Variants in AMBN observed in about 807,000 individuals in gnomAD.
AMBN encodes the protein enamel matrix protein.
In AMBN, 54 loss-of-function variants were observed where a neutral mutation model predicts 48.0. The observed-to-expected ratio is 1.12, with a 90% CI of 0.90 to 1.41. The LOEUF is 1.41. AMBN is among the 40% of genes most tolerant of loss of function. The pLI is 0.00. For synonymous variants in AMBN, 186 were observed against 190.0 expected (o/e 0.98, Z 0.17); for missense variants, 571 against 547.3 (o/e 1.04, Z -0.43).
At chr4:70,599,282 A>G in intron 4 of AMBN, among the ~76,000 whole-genome samples, 1 of 152,030 alleles carries the variant, frequency 6.6e-6, no homozygotes, top group East Asian at 1.9e-4. Flanking sequence ...CTCTACTAAA[A>G]ATACAGAAAT....
intron 12 of AMBN, among the ~76,000 whole-genome samples, chr4:70,605,006 A>G (rs1245616221): frequency 7.6e-6 from 1 of 132,188 alleles, no homozygotes; most frequent in Non-Finnish European, 1.7e-5. Flanking sequence ...AAAAAAAAAA[A>G]AAGTCTTGTT....
rs1047749148 is a variant in AMBN at position 70,606,967 on chromosome 4, T to A, written c.*237T>A. 10 of 506,240 alleles carry A rather than the reference T, an allele frequency of 2.0e-5. No homozygotes were observed. The highest frequency in any genetic ancestry group is 3.5e-5 in the Non-Finnish European group (10 of 288,684). The allele number at this position is 506,240 out of a possible 1,614,324, so 31.4% of individuals were successfully genotyped here. A position where few individuals can be genotyped will look rare whatever the true frequency, so the allele number is the denominator to read the frequency against. ...TGATTTAGAAACACTATTAATAACATCAGAGCAAGGTTCTAAGGGTCTCAG... is the reference window on the plus strand; with the variant it reads ...TGATTTAGAAACACTATTAATAACAACAGAGCAAGGTTCTAAGGGTCTCAG... On this transcript the variant is annotated 3_prime_UTR_variant, in exon 13 of 13. Coordinates refer to ENST00000322937, the MANE Select transcript of AMBN (RefSeq NM_016519.6).
At position 70,601,410 on chromosome 4, in the gene AMBN, C is replaced by T. The variant is rs371026801; in HGVS notation, c.295-8C>T. Reference sequence around the variant, plus strand: ...CCTTCCTAACACTCTTTTCAAATTTCTCTGCAGTATGAATATTCTTTGCCT... The same window carrying T: ...CCTTCCTAACACTCTTTTCAAATTTTTCTGCAGTATGAATATTCTTTGCCT... On this transcript the variant is annotated splice_region_variant and splice_polypyrimidine_tract_variant and intron_variant, in intron 5 of 12. Coordinates refer to ENST00000322937, the MANE Select transcript of AMBN (RefSeq NM_016519.6). The T allele has an allele frequency of 1.2e-6, 2 of 1,612,794 alleles. No homozygotes were observed. Among genetic ancestry groups the T allele is most frequent in the Non-Finnish European group, 1.7e-6 (2 of 1,178,910 alleles).
intron 12 of AMBN, among the ~76,000 whole-genome samples, chr4:70,605,739 C>T (rs1248684145): frequency 2.0e-5 from 3 of 151,766 alleles, no homozygotes; most frequent in African/African-American, 4.8e-5. Context: ...CAGCCTGGGC[C>T]GTATAATGAG....
chr4:70,598,856 C>T (rs986771504), intron 4 of AMBN, among the ~76,000 whole-genome samples: 7 of 151,702 alleles, frequency 4.6e-5, no homozygotes, highest in African/African-American at 1.7e-4. Context: ...CTCACTGCAA[C>T]CTCCATCTCC....
intron 1 of AMBN, 63 bp downstream of exon 1, chr4:70,592,436 C>A: frequency 3.2e-6 from 5 of 1,561,820 alleles, no homozygotes; most frequent in Non-Finnish European, 4.4e-6. Flanking sequence ...TATCTCCTGA[C>A]AGCTTTTATA....
chr4:70,604,635 G>T (rs1737600821), intron 12 of AMBN, among the ~76,000 whole-genome samples: 2 of 152,206 alleles, frequency 1.3e-5, no homozygotes, highest in South Asian at 4.1e-4. Context: ...TTACATCTCA[G>T]TATTTTTGTG....
At chr4:70,599,269 C>T (rs1050537971) in intron 4 of AMBN, among the ~76,000 whole-genome samples, 4 of 151,788 alleles carry the variant, frequency 2.6e-5, no homozygotes, top group East Asian at 1.9e-4. Context: ...GGTGAAACCC[C>T]GTCTCTACTA....
At chr4:70,596,963 C>T (rs1737396417) in intron 2 of AMBN, 36 bp from the exon 3 acceptor site, 1 of 1,595,594 alleles carries the variant, frequency 6.3e-7, no homozygotes, top group African/African-American at 1.3e-5. Context: ...AAGTTTTGTA[C>T]CAATAAGACT....
Position 70,602,617 on chromosome 4 carries a change from G to GACA in AMBN, c.532-6_532-5insCAA. On this transcript the variant is annotated splice_polypyrimidine_tract_variant and splice_region_variant and intron_variant, in intron 6 of 12. Transcript: ENST00000322937. The stretch of plus-strand genomic sequence containing the variant: ...ACTGATAATTTTAATATTTATCTGT[G>GACA]ATATAGCTCCCAGGAGTAGATTTTG... 6.5e-7 allele frequency: 1 copy of GACA among 1,548,330 alleles called. No homozygotes were observed. Among genetic ancestry groups the GACA allele is most frequent in the Non-Finnish European group, 8.7e-7 (1 of 1,148,026 alleles).
intron 2 of AMBN, 51 bp downstream of exon 2, chr4:70,593,446 T>A: frequency 1.4e-6 from 2 of 1,450,822 alleles, no homozygotes; most frequent in South Asian, 1.1e-5. Context: ...ATTGTCGAAC[T>A]CCAAACAACA....
chr4:70,606,696 T>G lies in AMBN; in HGVS notation c.1310T>G (p.Met437Arg), dbSNP rs1360365287. The change falls in exon 13 of 13, where the codon ATG becomes AGG. Residue 437 changes from methionine (M) to arginine (R), a missense_variant. Physicochemically the swap from Met to Arg is moderately conservative, Grantham distance 91. Coordinates refer to ENST00000322937, the MANE Select transcript of AMBN (RefSeq NM_016519.6). ...MPGNKAQEPE[M>R]MHDAWHFQEP Reference sequence around the variant, plus strand: ...GGAAACAAAGCCCAGGAGCCCGAGATGATGCATGACGCATGGCATTTCCAA... The same window carrying G: ...GGAAACAAAGCCCAGGAGCCCGAGAGGATGCATGACGCATGGCATTTCCAA... 10 of 1,613,788 alleles carry G rather than the reference T, an allele frequency of 6.2e-6. No homozygotes were observed. Among genetic ancestry groups the G allele is most frequent in the Non-Finnish European group, 8.5e-6 (10 of 1,179,886 alleles).
In AMBN at chr4:70,606,363, C is replaced by T. The variant is rs1737646822; in HGVS notation, c.977C>T (p.Ser326Phe). 1 of 1,614,052 alleles carries T rather than the reference C, an allele frequency of 6.2e-7. No homozygotes were observed. The highest frequency in any genetic ancestry group is 1.1e-5 in the South Asian group (1 of 91,070). The part of the protein sequence containing the change: ...PENEEGGAQG[S>F]PMPEANPDNL... ...AACGAAGAAGGAGGTGCACAAGGCTCCCCTATGCCGGAGGCCAACCCAGAC... is the reference window on the plus strand; with the variant it reads ...AACGAAGAAGGAGGTGCACAAGGCTTCCCTATGCCGGAGGCCAACCCAGAC... Residue 326 changes from serine to phenylalanine, a missense_variant, in exon 13 of 13, where the codon TCC becomes TTC. By Grantham distance (155) the Ser-to-Phe change is radical. Coordinates refer to ENST00000322937, the MANE Select transcript of AMBN (RefSeq NM_016519.6).
At chr4:70,600,787 C>A (rs902095303) in intron 5 of AMBN, among the ~76,000 whole-genome samples, 2 of 152,092 alleles carry the variant, frequency 1.3e-5, no homozygotes, top group African/African-American at 4.8e-5. Context: ...TAGTTCCAGG[C>A]GGTCTTCCAC....
Position 70,592,276 on chromosome 4 carries a change from C to A in AMBN, c.-83C>A, listed in dbSNP as rs974829519. The A allele has an allele frequency of 7.6e-7, 1 of 1,324,352 alleles. No homozygotes were observed. The highest frequency in any genetic ancestry group is 1.1e-6 in the Non-Finnish European group (1 of 927,382). The allele number at this position is 1,324,352 out of a possible 1,614,324, so 82.0% of individuals were successfully genotyped here. On this transcript the variant is annotated 5_prime_UTR_variant, in exon 1 of 13. Transcript: ENST00000322937. ...TGAATGAGAAGTACAGAGCAAGTCC[C>A]ACGCACAGTCCTGAAAAAAATTTTA...
chr4:70,606,420 T>G lies in AMBN; in HGVS notation c.1034T>G (p.Leu345Arg), dbSNP rs368861309. Residue 345 changes from leucine to arginine, a missense_variant, in exon 13 of 13, where the codon CTA (leucine) becomes CGA (arginine). Transcript: ENST00000322937. ...GAAAACCCAGCTTTCCTTACAGAGC[T>G]AGAACCTGCTCCCCACGCAGGGCTC... ...NLENPAFLTELEPAPHAGLLA... is the reference protein window; with the variant it reads ...NLENPAFLTEREPAPHAGLLA... The G allele has an allele frequency of 5.6e-6, 9 of 1,613,822 alleles. No individual in the cohort carries two copies. Among genetic ancestry groups the G allele is most frequent in the African/African-American group, 1.3e-5 (1 of 74,920 alleles).
chr4:70,592,736 A>AATAT (rs1448949379), intron 1 of AMBN, among the ~76,000 whole-genome samples: 13 of 152,190 alleles, frequency 8.5e-5, no homozygotes, highest in African/African-American at 3.1e-4. Context: ...GGAAGAGGAA[A>AATAT]GCTAAATTTG....
intron 3 of AMBN, 123 bp from the exon 4 acceptor site, chr4:70,598,233 C>G: frequency 1.8e-6 from 1 of 555,318 alleles, no homozygotes; most frequent in Non-Finnish European, 3.0e-6. Flanking sequence ...TTTGTGTCTA[C>G]TTTCATTTTA....
intron 6 of AMBN, among the ~76,000 whole-genome samples, chr4:70,602,395 A>G (rs1737537820): frequency 6.6e-6 from 1 of 152,196 alleles, no homozygotes; most frequent in Admixed American, 6.5e-5. Context: ...ATCTCCCTGC[A>G]GGTACATTTG....
Sources: allele counts gnomAD v4.1 joint callset (sites outside exome capture counted in the v4.1 genomes callset), GRCh38; gene constraint gnomAD v4.1.1; transcripts MANE v1.5; gene names NCBI Gene and HGNC (gene_info 2026-07-23, HGNC 2026-07-21).